Variants in SLC2A11 observed in about 807,000 individuals in gnomAD.
SLC2A11 encodes solute carrier family 2, facilitated glucose transporter member 11.
SLC2A11 carries 43 observed loss-of-function variants against 52.1 expected under a neutral mutation model. The ratio of observed to expected loss-of-function variants is 0.82; its 90% confidence interval spans 0.65 to 1.06. SLC2A11 has a LOEUF of 1.06. Ranked by LOEUF, SLC2A11 falls within the 50% of genes least tolerant of loss-of-function variation. The pLI is 0.00. For synonymous variants in SLC2A11, 261 were observed against 277.6 expected (o/e 0.94, Z 0.59); for missense variants, 582 against 654.2 (o/e 0.89, Z 1.20).
intron 3 of SLC2A11, chr22:23,871,698 T>A (rs1310147001): frequency 6.6e-6 from 1 of 151,600 alleles, no homozygotes; most frequent in Non-Finnish European, 1.5e-5. Context: ...GCCGAGATCA[T>A]GCCACCGCAC....
intron 3 of SLC2A11, 28 bp downstream of exon 3, chr22:23,868,669 T>G (rs372689912): frequency 6.2e-7 from 1 of 1,612,434 alleles, no homozygotes; most frequent in Non-Finnish European, 8.5e-7. Flanking sequence ...ACCCCCTGAA[T>G]GCCCTTTAAT....
At chr22:23,877,006 T>C (rs1205121221) in intron 4 of SLC2A11, 36 bp from the exon 5 acceptor site, 4 of 1,613,454 alleles carry the variant, frequency 2.5e-6, no homozygotes, top group Non-Finnish European at 3.4e-6. Context: ...GGGTCCCAGC[T>C]GGTGGCTGAC....
At chr22:23,879,329 C>T (rs548695351) in intron 6 of SLC2A11, among the ~76,000 whole-genome samples, 6 of 152,294 alleles carry the variant, frequency 3.9e-5, no homozygotes, top group African/African-American at 1.4e-4. Flanking sequence ...GATCTCAGCT[C>T]ACTGCAACCT....
Position 23,882,482 on chromosome 22 carries a change from G to A in SLC2A11, c.718G>A (p.Gly240Arg), listed in dbSNP as rs775362752. 9.6e-6 allele frequency: 15 copies of A among 1,555,526 alleles called. No homozygotes were observed. In the East Asian group the frequency reaches 9.7e-5, roughly 10 times the overall value. Residue 240 changes from glycine (G) to arginine (R), a missense_variant, in exon 7 of 12, where the codon GGG (glycine) becomes AGG (arginine). Coordinates refer to ENST00000316185, the MANE Select transcript of SLC2A11 (RefSeq NM_001024939.4). ...AGCACTACGGCGGCTCCGGGGCTCCGGGGACTTGGCAGGGGAGCTGGAGGA... is the reference window on the plus strand; with the variant it reads ...AGCACTACGGCGGCTCCGGGGCTCCAGGGACTTGGCAGGGGAGCTGGAGGA... ...LAALRRLRGSGDLAGELEELE... is the reference protein window; with the variant it reads ...LAALRRLRGSRDLAGELEELE...
Position 23,868,622 on chromosome 22 carries a change from T to A in SLC2A11, c.271T>A (p.Leu91Met). ...GLFGALLAGP[L>M]AITLGRKKSL... ...CTTTGGAGCACTGCTTGCAGGTCCC[T>A]TGGCCATCACGCTGGGAAGGTAAGT... The change falls in exon 3 of 12, where the codon TTG becomes ATG. Residue 91 changes from leucine (L) to methionine (M), a missense_variant. Physicochemically the swap from Leu to Met is conservative, Grantham distance 15 (BLOSUM62 2). Coordinates refer to ENST00000316185, the MANE Select transcript of SLC2A11 (RefSeq NM_001024939.4). 6.2e-7 allele frequency: 1 copy of A among 1,614,130 alleles called. No individual in the cohort carries two copies. The highest frequency in any genetic ancestry group is 8.5e-7 in the Non-Finnish European group (1 of 1,179,982).
rs865782042 is a variant in SLC2A11 at position 23,886,191 on chromosome 22, G to A, written c.*1342G>A. 6.6e-5 allele frequency: 10 copies of A among 152,220 alleles called. No homozygotes were observed. Among genetic ancestry groups the A allele is most frequent in the Admixed American group, 5.2e-4 (8 of 15,278 alleles). The allele number at this position is 152,220 out of a possible 1,614,324, so 9.4% of individuals were successfully genotyped here. A position where few individuals can be genotyped will look rare whatever the true frequency, so the allele number is the denominator to read the frequency against. ...AGGAGAGACTCCTTTGTATTGCTGA[G>A]TAGTATTCCCCTCTGTGGTTAGACC... is the stretch of plus-strand genomic sequence containing the variant. On this transcript the variant is annotated 3_prime_UTR_variant, in exon 12 of 12. Transcript: ENST00000316185.
chr22:23,874,848 G>C (rs895061605), intron 3 of SLC2A11, among the ~76,000 whole-genome samples: 1 of 152,066 alleles, frequency 6.6e-6, no homozygotes, highest in Non-Finnish European at 1.5e-5. Context: ...ACCTCCCAAA[G>C]TGTTGGGATT....
chr22:23,874,656 T>C (rs1272281249), intron 3 of SLC2A11, among the ~76,000 whole-genome samples: 1 of 152,066 alleles, frequency 6.6e-6, no homozygotes, highest in African/African-American at 2.4e-5. Flanking sequence ...TTCTCCATGT[T>C]GGTCAAGCTG....
rs753417260 is a variant in SLC2A11, at chr22:23,882,645, C to T, written c.881C>T (p.Ser294Leu). 1.1e-4 allele frequency: 183 copies of T among 1,610,492 alleles called. No homozygotes were observed. The highest frequency in any genetic ancestry group is 1.5e-4 in the Non-Finnish European group (173 of 1,178,154). ...GSAMELCGND[S>L]VYAYASSVFR... is the part of the protein sequence containing the mutation. Reference sequence around the variant, plus strand: ...GCCATGGAGCTCTGCGGGAATGACTCGGTGAGACCCCTGCCCCGCCGCACA... The same window carrying T: ...GCCATGGAGCTCTGCGGGAATGACTTGGTGAGACCCCTGCCCCGCCGCACA... The change falls in exon 7 of 12, where the codon TCG (serine) becomes TTG (leucine). Residue 294 changes from serine to leucine, a missense_variant and splice_region_variant. Coordinates refer to ENST00000316185, the MANE Select transcript of SLC2A11 (RefSeq NM_001024939.4).
intron 1 of SLC2A11, among the ~76,000 whole-genome samples, chr22:23,861,124 C>G (rs1394783245): frequency 6.7e-6 from 1 of 149,738 alleles, no homozygotes; most frequent in Non-Finnish European, 1.5e-5. Context: ...GGATTACAGG[C>G]ATGAGCCACT....
At position 23,882,482 on chromosome 22, in the gene SLC2A11, G is replaced by C; in HGVS notation, c.718G>C (p.Gly240Arg). The C allele has an allele frequency of 6.4e-7, 1 of 1,555,526 alleles. No individual in the cohort carries two copies. Among genetic ancestry groups the C allele is most frequent in the Non-Finnish European group, 8.7e-7 (1 of 1,152,912 alleles). ...AGCACTACGGCGGCTCCGGGGCTCC[G>C]GGGACTTGGCAGGGGAGCTGGAGGA... ...LAALRRLRGS[G>R]DLAGELEELE... Residue 240 changes from glycine (G) to arginine (R), a missense_variant, in exon 7 of 12, where the codon GGG becomes CGG. Physicochemically the swap from Gly to Arg is moderately radical, Grantham distance 125. Transcript: ENST00000316185.
chr22:23,857,883 C>CCACTGGG lies in SLC2A11; in HGVS notation c.-115_-109dup, dbSNP rs1161266898. 34 of 1,554,172 alleles carry CCACTGGG rather than the reference C, an allele frequency of 2.2e-5. No homozygotes were observed. The highest frequency in any genetic ancestry group is 7.5e-5 in the Admixed American group (4 of 53,206). ...TGCGCGTGCGCTAGCGCCTCTTTCACCACTGGGCGCTGCGCGCTGCCCTTC... is the reference window on the plus strand; with the variant it reads ...TGCGCGTGCGCTAGCGCCTCTTTCACCACTGGGCACTGGGCGCTGCGCGCTGCCCTTC... On this transcript the variant is annotated 5_prime_UTR_variant, in exon 1 of 12. Coordinates refer to ENST00000316185, the MANE Select transcript of SLC2A11 (RefSeq NM_001024939.4).
chr22:23,877,185 C>G lies in SLC2A11; in HGVS notation c.545+14C>G. ...GGTCGGACTCAGGTAAGCACCCCTC[C>G]CCCACATGCATTGAGTATTTCGGAG... On this transcript the variant is annotated intron_variant, in intron 5 of 11. Transcript: ENST00000316185. 6.2e-7 allele frequency: 1 copy of G among 1,602,452 alleles called. No individual in the cohort carries two copies. The highest frequency in any genetic ancestry group is 8.5e-7 in the Non-Finnish European group (1 of 1,173,804).
rs1344162715 is a variant in SLC2A11, at chr22:23,885,062, A to G, written c.*213A>G. On this transcript the variant is annotated 3_prime_UTR_variant, in exon 12 of 12. Transcript: ENST00000316185. ...TAACTGACAGAAAATCAGTAACAAC[A>G]TAATTACAGGCTGGTTGTGGCAGCT... The G allele has an allele frequency of 3.5e-6, 2 of 569,122 alleles. No individual in the cohort carries two copies. The highest frequency in any genetic ancestry group is 6.2e-6 in the Non-Finnish European group (2 of 321,896). The allele number at this position is 569,122 out of a possible 1,614,324, so 35.3% of individuals were successfully genotyped here. A position where few individuals can be genotyped will look rare whatever the true frequency, so the allele number is the denominator to read the frequency against.
At chr22:23,862,268 G>T (rs1054920553) in intron 2 of SLC2A11, 66 bp downstream of exon 2, 3 of 1,471,178 alleles carry the variant, frequency 2.0e-6, no homozygotes, top group African/African-American at 2.8e-5. Context: ...GCTGCCCACT[G>T]AGGGGCTTCA....
chr22:23,861,425 A>G (rs867917088), intron 1 of SLC2A11, among the ~76,000 whole-genome samples: 4 of 151,826 alleles, frequency 2.6e-5, no homozygotes, highest in Non-Finnish European at 5.9e-5. Flanking sequence ...CCAAGTGTGC[A>G]TGACTCATGG....
At chr22:23,867,518 G>A (rs1380836357) in intron 2 of SLC2A11, 2 of 339,340 alleles carry the variant, frequency 5.9e-6, no homozygotes, top group African/African-American at 4.3e-5. Context: ...TTGAGTGATA[G>A]GAGCATCTTT....
At chr22:23,860,459 T>C (rs776020634) in intron 1 of SLC2A11, among the ~76,000 whole-genome samples, 2 of 151,582 alleles carry the variant, frequency 1.3e-5, no homozygotes, top group Non-Finnish European at 2.9e-5. Flanking sequence ...TAAATACTTC[T>C]GTGAATCCCT....
At chr22:23,878,320 C>T (rs1425383101) in intron 6 of SLC2A11, among the ~76,000 whole-genome samples, 1 of 142,498 alleles carries the variant, frequency 7.0e-6, no homozygotes, top group Non-Finnish European at 1.5e-5. Context: ...CACAGCTCTG[C>T]TGATCTCAGC....
Sources: gnomAD v4.1 joint callset for allele counts (sites outside exome capture counted in the v4.1 genomes callset) on GRCh38, gnomAD v4.1.1 for gene constraint, MANE v1.5 for transcripts, NCBI Gene and HGNC (gene_info 2026-07-23, HGNC 2026-07-21) for gene names.